The following RFX3 variants were observed in gnomAD, a reference collection of about 807,000 sequenced individuals.
RFX3 encodes the protein regulatory factor X3.
A neutral mutation model predicts 98.6 loss-of-function variants in RFX3; 14 were observed. The observed-to-expected ratio is 0.14, with a 90% CI of 0.09 to 0.22. The LOEUF (loss-of-function observed/expected upper bound fraction) is 0.22. RFX3 is among the 10% of genes least tolerant of loss of function. The pLI is 1.00. For missense variants in RFX3, 639 were observed against 926.9 expected, an observed-to-expected ratio of 0.69 and a Z score of 4.03; for synonymous variants, 383 against 328.4, an observed-to-expected ratio of 1.17 and a Z score of -1.80.
At chr9:3,452,151 C>CCT (rs1446853893) in intron 1 of RFX3, among the ~76,000 whole-genome samples, 1 of 152,166 alleles carries the variant, frequency 6.6e-6, no homozygotes, top group African/African-American at 2.4e-5. Context: ...ATGCTGACGC[C>CCT]CTATCTGACA....
chr9:3,229,354 T>A (rs946507008), intron 15 of RFX3, among the ~76,000 whole-genome samples: 2 of 152,182 alleles, frequency 1.3e-5, no homozygotes, highest in African/African-American at 2.4e-5. Flanking sequence ...TTTTTAAAGC[T>A]TTTATTAGTA....
intron 2 of RFX3, among the ~76,000 whole-genome samples, chr9:3,385,898 G>C (rs1028639272): frequency 6.6e-6 from 1 of 151,932 alleles, no homozygotes; most frequent in African/African-American, 2.4e-5. Context: ...TGCCACACTT[G>C]ATCCAAAACT....
chr9:3,343,215 G>C (rs985369114), intron 3 of RFX3, among the ~76,000 whole-genome samples: 1 of 152,172 alleles, frequency 6.6e-6, no homozygotes, highest in East Asian at 1.9e-4. Flanking sequence ...GGGGACGCTG[G>C]TGACAAGAGC....
At chr9:3,490,436 T>G (rs1850642652) in intron 1 of RFX3, 3 of 234,464 alleles carry the variant, frequency 1.3e-5, no homozygotes, top group Non-Finnish European at 2.1e-5. Flanking sequence ...ATTATTAAGT[T>G]TATAGATAAG....
chr9:3,422,271 C>T (rs1011917342), intron 1 of RFX3, among the ~76,000 whole-genome samples: 2 of 152,206 alleles, frequency 1.3e-5, no homozygotes, highest in Non-Finnish European at 2.9e-5. Flanking sequence ...CCAGAGTCAA[C>T]AATGGCTATG....
chr9:3,226,916 C>T (rs2130603024), intron 16 of RFX3, among the ~76,000 whole-genome samples: 1 of 152,154 alleles, frequency 6.6e-6, no homozygotes, highest in African/African-American at 2.4e-5. Context: ...TGAAATTTTT[C>T]TACGGAGCAA....
At chr9:3,342,207 G>T (rs1833964630) in intron 3 of RFX3, among the ~76,000 whole-genome samples, 1 of 152,126 alleles carries the variant, frequency 6.6e-6, no homozygotes, top group African/African-American at 2.4e-5. Flanking sequence ...GATTTTATTA[G>T]ATATTACTCA....
chr9:3,250,335 T>G (rs1821218697), intron 14 of RFX3, among the ~76,000 whole-genome samples: 2 of 152,018 alleles, frequency 1.3e-5, no homozygotes, highest in Non-Finnish European at 2.9e-5. Context: ...TTTTAAAAAT[T>G]TAAAGTATAA....
At chr9:3,499,237 A>G (rs1376751694) in intron 1 of RFX3, among the ~76,000 whole-genome samples, 1 of 152,122 alleles carries the variant, frequency 6.6e-6, no homozygotes, top group African/African-American at 2.4e-5. Flanking sequence ...TAGGGAAAAA[A>G]GCAGCACTAA....
chr9:3,295,129 T>C (rs1026403075), intron 5 of RFX3, among the ~76,000 whole-genome samples: 4 of 152,148 alleles, frequency 2.6e-5, no homozygotes, highest in South Asian at 4.1e-4. Flanking sequence ...ATAAAAGAGA[T>C]AAGGCAGTCT....
At chr9:3,362,681 A>G (rs551643746) in intron 2 of RFX3, among the ~76,000 whole-genome samples, 1 of 152,226 alleles carries the variant, frequency 6.6e-6, no homozygotes. Context: ...GAAGAATAAT[A>G]TGAAGGCTAA....
intron 4 of RFX3, among the ~76,000 whole-genome samples, chr9:3,305,855 T>C (rs1448174430): frequency 6.6e-6 from 1 of 152,038 alleles, no homozygotes; most frequent in African/African-American, 2.4e-5. Context: ...GTTAGATATT[T>C]AAGTAAATAT....
chr9:3,380,282 G>A (rs1328865048), intron 2 of RFX3, among the ~76,000 whole-genome samples: 3 of 152,150 alleles, frequency 2.0e-5, no homozygotes, highest in Non-Finnish European at 4.4e-5. Flanking sequence ...GTGGTACCCT[G>A]AAGAAGTACC....
rs879260935 is a variant in RFX3, at chr9:3,451,564, G to GA, written c.-8-55969dup. 3.3e-5 allele frequency among the ~76,000 whole-genome samples: 5 copies of GA among 152,188 alleles called. No individual in the cohort carries two copies. In the East Asian group the frequency reaches 7.7e-4, roughly 23 times the overall value. ...AAAAGATAATAAATAAGTTTTGACT[G>GA]AAAAAATAAATAAACAGAATGACAG... On this transcript the variant is annotated intron_variant, in intron 1 of 16. Coordinates refer to ENST00000617270, the MANE Select transcript of RFX3 (RefSeq NM_001282116.2).
intron 1 of RFX3, among the ~76,000 whole-genome samples, chr9:3,514,305 A>C (rs1232076408): frequency 6.6e-6 from 1 of 152,220 alleles, no homozygotes; most frequent in South Asian, 2.1e-4. Flanking sequence ...TTGTTCTACA[A>C]CACCAAGCAA....
intron 15 of RFX3, among the ~76,000 whole-genome samples, chr9:3,230,627 G>C (rs1392525994): frequency 1.3e-5 from 2 of 152,140 alleles, no homozygotes; most frequent in Non-Finnish European, 2.9e-5. Flanking sequence ...ACTATAAACA[G>C]AGAATGTTCA....
rs550844367 is a variant in RFX3, at chr9:3,493,757, T to A, written c.-9+31990A>T. Among the ~76,000 whole-genome samples the A allele has an allele frequency of 1.8e-4, 27 of 148,740 alleles. No individual in the cohort carries two copies. The Middle Eastern group carries it at 0.01, about 58-fold the overall frequency. The stretch of plus-strand genomic sequence containing the variant: ...CATACACACACACACTGGCTGGTTA[T>A]CCTATAAACTTAGTTAAGGTCCAAA... On this transcript the variant is annotated intron_variant, in intron 1 of 16. Coordinates refer to ENST00000617270, the MANE Select transcript of RFX3 (RefSeq NM_001282116.2).
chr9:3,395,908 T>C (rs113563319), intron 1 of RFX3, among the ~76,000 whole-genome samples: 13 of 152,308 alleles, frequency 8.5e-5, no homozygotes, highest in African/African-American at 2.9e-4. Context: ...TAAACTATCA[T>C]CCAAAATTAT....
At position 3,477,378 on chromosome 9, in the gene RFX3, G is replaced by A. The variant is rs535469152; in HGVS notation, c.-9+48369C>T. 5.3e-5 allele frequency among the ~76,000 whole-genome samples: 8 copies of A among 152,164 alleles called. 1 individual carries two copies. Among genetic ancestry groups the A allele is most frequent in the Non-Finnish European group, 1.0e-4 (7 of 67,990 alleles). On this transcript the variant is annotated intron_variant, in intron 1 of 16. Transcript: ENST00000617270. ...CTCCCTTTAACATTTCTTAGAGTTC[G>A]TGAGAATCCTTTCAGTTTTTATCTA...
Sources: gnomAD v4.1 joint callset for allele counts (sites outside exome capture counted in the v4.1 genomes callset) on GRCh38, gnomAD v4.1.1 for gene constraint, MANE v1.5 for transcripts, NCBI Gene and HGNC (gene_info 2026-07-23, HGNC 2026-07-21) for gene names.